AOX1: variants seen among roughly 807,000 people sequenced by gnomAD.
AOX1 encodes aldehyde oxidase 1.
In AOX1, 153 loss-of-function variants were observed where a neutral mutation model predicts 169.5. That is an observed-to-expected ratio of 0.90 (90% confidence interval 0.79 to 1.03). AOX1 has a LOEUF of 1.03. AOX1 is among the 50% of genes least tolerant of loss of function. The pLI is 0.00. For missense variants in AOX1, 1,656 were observed against 1,663.9 expected (o/e 1.00, Z 0.08); for synonymous variants, 562 against 581.9 (o/e 0.97, Z 0.49).
chr2:200,680,437 A>G (rs912201431), downstream of AOX1, among the ~76,000 whole-genome samples: 6 of 152,222 alleles, frequency 3.9e-5, no homozygotes, highest in Non-Finnish European at 8.8e-5. Context: ...CAAAGGTCAC[A>G]GGGGAGGAAG....
At chr2:200,665,941 T>A (rs2035917401) in intron 31 of AOX1, among the ~76,000 whole-genome samples, 1 of 152,210 alleles carries the variant, frequency 6.6e-6, no homozygotes, top group African/African-American at 2.4e-5. Context: ...ATTATCTAAT[T>A]TTCAAATGTT....
chr2:200,639,789 C>T (rs1424875936), intron 23 of AOX1, among the ~76,000 whole-genome samples: 1 of 152,008 alleles, frequency 6.6e-6, no homozygotes, highest in Non-Finnish European at 1.5e-5. Context: ...AATCCTAGCA[C>T]TTTGGGAGGC....
rs747997929 is a variant in AOX1, at chr2:200,593,161, G to A, written c.61G>A (p.Val21Ile). The change falls in exon 2 of 35, where the codon GTC becomes ATC. Residue 21 changes from valine (V) to isoleucine (I), a missense_variant. Coordinates refer to ENST00000374700, the MANE Select transcript of AOX1 (RefSeq NM_001159.4). ...TTTGGTATAGGTGATAGAAAAAAATGTCGATCCTGAAACAATGCTGTTGCC... is the reference window on the plus strand; with the variant it reads ...TTTGGTATAGGTGATAGAAAAAAATATCGATCCTGAAACAATGCTGTTGCC... ...VNGRKVIEKN[V>I]DPETMLLPYL... 6.2e-7 allele frequency: 1 copy of A among 1,613,564 alleles called. No homozygotes were observed. Among genetic ancestry groups the A allele is most frequent in the South Asian group, 1.1e-5 (1 of 91,054 alleles).
chr2:200,624,126 G>A lies in AOX1; in HGVS notation c.2124+143G>A, dbSNP rs964906381. On this transcript the variant is annotated intron_variant, in intron 19 of 34. Coordinates refer to ENST00000374700, the MANE Select transcript of AOX1 (RefSeq NM_001159.4). Reference sequence around the variant, plus strand: ...CTTTATTAACCTCTAACCAGTCTCAGTATTAACAATTTCCCCAAGGACATG... The same window carrying A: ...CTTTATTAACCTCTAACCAGTCTCAATATTAACAATTTCCCCAAGGACATG... 8 of 968,698 alleles carry A rather than the reference G, an allele frequency of 8.3e-6. No individual in the cohort carries two copies. In the African/African-American group the frequency reaches 1.3e-4, roughly 16 times the overall value. 60.0% of individuals were successfully genotyped at this position (968,698 alleles called of 1,614,324 possible). A position where few individuals can be genotyped will look rare whatever the true frequency, so the allele number is the denominator to read the frequency against.
chr2:200,607,670 A>G (rs888888503), intron 10 of AOX1, among the ~76,000 whole-genome samples: 3 of 152,230 alleles, frequency 2.0e-5, no homozygotes, highest in African/African-American at 7.2e-5. Context: ...ATGCACACTT[A>G]GGTATATTGC....
Position 200,656,870 on chromosome 2 carries a change from A to T in AOX1, c.3104A>T (p.Asp1035Val). 1 of 1,586,944 alleles carries T rather than the reference A, an allele frequency of 6.3e-7. No individual in the cohort carries two copies. Among genetic ancestry groups the T allele is most frequent in the Non-Finnish European group, 8.6e-7 (1 of 1,166,180 alleles). ...QAAALVHIYLDGSVLVTHGGI... is the reference protein window; with the variant it reads ...QAAALVHIYLVGSVLVTHGGI... ...GCTGCCTTGGTTCACATTTATCTTG[A>T]TGGCTCTGTGCTGGTCACTCACGGT... The change falls in exon 27 of 35, where the codon GAT becomes GTT. Residue 1035 changes from aspartate to valine, a missense_variant. Asp to Val is a radical substitution (Grantham distance 152). Transcript: ENST00000374700.
At chr2:200,659,054 C>G (rs2035752307) in intron 27 of AOX1, 111 bp from the exon 28 acceptor site, 1 of 1,043,706 alleles carries the variant, frequency 9.6e-7, no homozygotes, top group Non-Finnish European at 1.4e-6. Context: ...GTTCTGCTCC[C>G]TTGTCCCTGT....
chr2:200,615,180 AT>A, intron 15 of AOX1, among the ~76,000 whole-genome samples: 1 of 151,810 alleles, frequency 6.6e-6, no homozygotes, highest in Non-Finnish European at 1.5e-5. Flanking sequence ...TAATTTCTTT[AT>A]TTTTTTGGAG....
In AOX1 at chr2:200,623,890, T is replaced by C. The variant is rs2034943343; in HGVS notation, c.2031T>C (p.Ala677=). ...TCTGTGTGGGTCAGCTTGTCTGTGC[T>C]GTGCTTGCCGATTCTGAGGTTCAGG... ...KVFCVGQLVC[A]VLADSEVQAK... The change falls in exon 19 of 35, where the codon GCT becomes GCC. Residue 677 remains alanine, a synonymous_variant. Coordinates refer to ENST00000374700, the MANE Select transcript of AOX1 (RefSeq NM_001159.4). 3.7e-6 allele frequency: 6 copies of C among 1,614,122 alleles called. No homozygotes were observed. The highest frequency in any genetic ancestry group is 1.3e-5 in the African/African-American group (1 of 75,066).
rs185282741 is a variant in AOX1 at position 200,605,312 on chromosome 2, A to G, written c.815-224A>G. Among the ~76,000 whole-genome samples, 18 of 152,320 alleles carry G rather than the reference A, an allele frequency of 1.2e-4. No homozygotes were observed. In the East Asian group the frequency reaches 3.5e-3, roughly 29 times the overall value. Reference sequence around the variant, plus strand: ...TCCCAGAGAGAATTTTGAACATGCCATATGGCCCAAGTTTCAAGGTTGACA... The same window carrying G: ...TCCCAGAGAGAATTTTGAACATGCCGTATGGCCCAAGTTTCAAGGTTGACA... On this transcript the variant is annotated intron_variant, in intron 9 of 34. Transcript: ENST00000374700.
At chr2:200,636,886 T>C (rs1237498894) in intron 21 of AOX1, 25 bp from the exon 22 acceptor site, 8 of 1,604,254 alleles carry the variant, frequency 5.0e-6, no homozygotes, top group Admixed American at 1.7e-5. Context: ...TGGATCAGAT[T>C]AATCAGAACT....
rs914848113 is a variant in AOX1 at position 200,668,594 on chromosome 2, CT to C, written c.3610-14del. 6 of 1,579,886 alleles carry C rather than the reference CT, an allele frequency of 3.8e-6. No individual in the cohort carries two copies. Among genetic ancestry groups the C allele is most frequent in the South Asian group, 2.3e-5 (2 of 85,128 alleles). On this transcript the variant is annotated intron_variant, in intron 32 of 34. Transcript: ENST00000374700. Reference sequence around the variant, plus strand: ...CTGTGTTTTCTCATACGTGGAAATTCTTTTTTTGTTCTTGCCTCAGATTGAA... The same window carrying C: ...CTGTGTTTTCTCATACGTGGAAATTCTTTTTTGTTCTTGCCTCAGATTGAA...
chr2:200,592,362 T>C (rs1257411670), intron 1 of AOX1, among the ~76,000 whole-genome samples: 1 of 152,186 alleles, frequency 6.6e-6, no homozygotes, highest in African/African-American at 2.4e-5. Context: ...ATTACTATAA[T>C]ATGGTGAAAG....
intron 25 of AOX1, among the ~76,000 whole-genome samples, chr2:200,646,698 C>A (rs1246927400): frequency 6.6e-6 from 1 of 151,958 alleles, no homozygotes; most frequent in Non-Finnish European, 1.5e-5. Context: ...TATCTCATTT[C>A]TTAGGTCTAT....
In AOX1 at chr2:200,651,111, G is replaced by T; in HGVS notation, c.2985G>T (p.Lys995Asn). ...CCTTGAGGAAAGTTGCTGTGGAAAA[G>T]TTCAATGCAGAGAATTATTGGAAGA... is the stretch of plus-strand genomic sequence containing the variant. ...SYSLRKVAVE[K>N]FNAENYWKKK... The change falls in exon 26 of 35, where the codon AAG becomes AAT. Residue 995 changes from lysine to asparagine, a missense_variant. Transcript: ENST00000374700. 1 of 1,614,210 alleles carries T rather than the reference G, an allele frequency of 6.2e-7. No individual in the cohort carries two copies. The highest frequency in any genetic ancestry group is 1.1e-5 in the South Asian group (1 of 91,074).
intron 21 of AOX1, among the ~76,000 whole-genome samples, chr2:200,635,137 C>A (rs938524480): frequency 1.3e-5 from 2 of 152,026 alleles, no homozygotes; most frequent in African/African-American, 2.4e-5. Flanking sequence ...AAAACAAAAC[C>A]AATAATGTTA....
intron 29 of AOX1, among the ~76,000 whole-genome samples, chr2:200,660,745 G>A (rs984690543): frequency 1.3e-5 from 2 of 152,170 alleles, no homozygotes; most frequent in African/African-American, 4.8e-5. Flanking sequence ...TACAGGTCTG[G>A]GGGAAATAAC....
At chr2:200,638,378 G>A (rs2105744006) in intron 23 of AOX1, 76 bp downstream of exon 23, 1 of 1,324,846 alleles carries the variant, frequency 7.5e-7, no homozygotes, top group Non-Finnish European at 1.1e-6. Flanking sequence ...GCAGTCTTTG[G>A]CTACTCTCTA....
chr2:200,619,519 T>C (rs1574927570), intron 16 of AOX1, among the ~76,000 whole-genome samples: 1 of 152,182 alleles, frequency 6.6e-6, no homozygotes, highest in East Asian at 1.9e-4. Flanking sequence ...TGGCCTTATG[T>C]CTGTCTCTTC....
Sources: allele counts gnomAD v4.1 joint callset (sites outside exome capture counted in the v4.1 genomes callset), GRCh38; gene constraint gnomAD v4.1.1; transcripts MANE v1.5; gene names NCBI Gene and HGNC (gene_info 2026-07-23, HGNC 2026-07-21).